Variants in TRPV3 observed in about 807,000 individuals in gnomAD.
The protein encoded by TRPV3 is transient receptor potential cation channel subfamily V member 3.
In TRPV3, 88 loss-of-function variants were observed where a neutral mutation model predicts 87.1. The observed-to-expected ratio is 1.01, with a 90% CI of 0.85 to 1.21. The LOEUF is 1.21. Ranked by LOEUF, TRPV3 falls within the 50% of genes most tolerant of loss-of-function variation. The pLI is 0.00. For missense variants in TRPV3, 1,054 were observed against 1,030.1 expected (o/e 1.02, Z -0.32); for synonymous variants, 438 against 423.3 (o/e 1.03, Z -0.43).
chr17:3,534,466 G>C (rs1462991185), intron 7 of TRPV3, among the ~76,000 whole-genome samples: 1 of 152,108 alleles, frequency 6.6e-6, no homozygotes, highest in Non-Finnish European at 1.5e-5. Flanking sequence ...GCAAGACTGG[G>C]TGGCAGGAGG....
rs772785322 is a variant in TRPV3 at position 3,522,820 on chromosome 17, CA to C, written c.1743+1377del. Among the ~76,000 whole-genome samples the C allele has an allele frequency of 4.0e-3, 261 of 64,688 alleles. 2 individuals carry two copies. The highest frequency in any genetic ancestry group is 4.2e-3 in the Non-Finnish European group (121 of 28,924). The allele number at this position is 64,688 out of a possible 152,430, so 42.4% of individuals were successfully genotyped here. ...CAACAGAGCGAGACTCAGTCACAAA[CA>C]AAAAAAAAAAAAAAAAGCAAAAATT... On this transcript the variant is annotated intron_variant, in intron 13 of 17. Coordinates refer to ENST00000576742, the MANE Select transcript of TRPV3 (RefSeq NM_145068.4).
At chr17:3,524,446 TA>T in intron 12 of TRPV3, 83 bp from the exon 13 acceptor site, 1 of 1,548,208 alleles carries the variant, frequency 6.5e-7, no homozygotes, top group Non-Finnish European at 8.8e-7. Context: ...AAACCTCCCT[TA>T]AACCCCCTGA....
Position 3,527,954 on chromosome 17 carries a change from G to A in TRPV3, c.1503+71C>T, listed in dbSNP as rs186431175. 1,552 of 1,185,870 alleles carry A rather than the reference G, an allele frequency of 1.3e-3. 16 individuals carry two copies. In the African/African-American group the frequency reaches 0.021, roughly 16 times the overall value. The allele number at this position is 1,185,870 out of a possible 1,614,324, so 73.5% of individuals were successfully genotyped here. ...AGAACCCCCCAGCAGTAATGGCAGA[G>A]CAGAGAGGGATGGAGGCTGTCACCT... On this transcript the variant is annotated intron_variant, in intron 11 of 17. Coordinates refer to ENST00000576742, the MANE Select transcript of TRPV3 (RefSeq NM_145068.4).
intron 7 of TRPV3, 24 bp from the exon 8 acceptor site, chr17:3,532,961 T>C: frequency 6.2e-7 from 1 of 1,610,354 alleles, no homozygotes; most frequent in Non-Finnish European, 8.5e-7. Flanking sequence ...GCACTGAAGC[T>C]TGGTTCTCTC....
At chr17:3,549,713 G>A (rs2074555423) in intron 2 of TRPV3, among the ~76,000 whole-genome samples, 2 of 151,614 alleles carry the variant, frequency 1.3e-5, no homozygotes, top group South Asian at 4.2e-4. Flanking sequence ...ATGGATGGAT[G>A]GATGGATGGA....
intron 2 of TRPV3, among the ~76,000 whole-genome samples, chr17:3,547,395 AG>A (rs1165091690): frequency 6.6e-6 from 1 of 152,158 alleles, no homozygotes; most frequent in East Asian, 1.9e-4. Flanking sequence ...TAGAGGCAGG[AG>A]GGTCACTTGA....
In TRPV3 at chr17:3,526,934, C is replaced by A. The variant is rs2074305361; in HGVS notation, c.1504-7G>T. The stretch of plus-strand genomic sequence containing the variant: ...GCAGGAAGATGGCAATGCCCTAAGG[C>A]CAGGAAGGAAAGAAACAGTGCACCC... On this transcript the variant is annotated splice_region_variant and splice_polypyrimidine_tract_variant and intron_variant, in intron 11 of 17. Transcript: ENST00000576742. 3 of 1,608,850 alleles carry A rather than the reference C, an allele frequency of 1.9e-6. No individual in the cohort carries two copies. The highest frequency in any genetic ancestry group is 1.3e-5 in the African/African-American group (1 of 74,858).
intron 2 of TRPV3, among the ~76,000 whole-genome samples, chr17:3,545,505 A>G (rs1429461552): frequency 6.6e-6 from 1 of 152,184 alleles, no homozygotes; most frequent in Non-Finnish European, 1.5e-5. Flanking sequence ...GAAACTAAAG[A>G]AAAGGACTGA....
intron 6 of TRPV3, among the ~76,000 whole-genome samples, chr17:3,540,343 T>A (rs186730494): frequency 0.014 from 2,187 of 151,912 alleles, 19 homozygotes; most frequent in Non-Finnish European, 0.023. Context: ...GGTGGTGGGG[T>A]TGGTTTCCAG....
chr17:3,522,688 A>ATG (rs1167858681), intron 13 of TRPV3, among the ~76,000 whole-genome samples: 3 of 151,662 alleles, frequency 2.0e-5, no homozygotes, highest in African/African-American at 7.3e-5. Context: ...GGCATGGTGC[A>ATG]TGCCTGTAGT....
chr17:3,514,331 G>A lies in TRPV3; in HGVS notation c.2278+262C>T, dbSNP rs1329067761. On this transcript the variant is annotated intron_variant, in intron 17 of 17. Coordinates refer to ENST00000576742, the MANE Select transcript of TRPV3 (RefSeq NM_145068.4). ...TGACCTCAGGTGATTCACCCGACTC[G>A]TCCTCCCAAAGTGCTGGGATTACAG... is the stretch of plus-strand genomic sequence containing the variant. 4 of 524,712 alleles carry A rather than the reference G, an allele frequency of 7.6e-6. 1 individual carries two copies. Among genetic ancestry groups the A allele is most frequent in the African/African-American group, 1.9e-5 (1 of 52,256 alleles). 32.5% of individuals were successfully genotyped at this position (524,712 alleles called of 1,614,324 possible).
At chr17:3,555,045 G>T (rs2074614149) in intron 1 of TRPV3, among the ~76,000 whole-genome samples, 193 bp from the exon 2 acceptor site, 1 of 152,142 alleles carries the variant, frequency 6.6e-6, no homozygotes, top group South Asian at 2.1e-4. Context: ...CCAGCTCCCT[G>T]CTCTAGCACC....
At chr17:3,514,204 G>C (rs942852103) in intron 17 of TRPV3, 193 bp from the exon 18 acceptor site, 76 of 519,156 alleles carry the variant, frequency 1.5e-4, no homozygotes, top group African/African-American at 1.4e-3. Flanking sequence ...TCAGCCTCTC[G>C]AGTAGCTGGG....
At chr17:3,527,939 A>C in intron 11 of TRPV3, 86 bp downstream of exon 11, 1 of 1,057,868 alleles carries the variant, frequency 9.5e-7, no homozygotes, top group Admixed American at 1.7e-5. Flanking sequence ...AGAACCCCCC[A>C]GCAGTAATGG....
At chr17:3,535,519 C>T (rs966817387) in intron 7 of TRPV3, 54 bp downstream of exon 7, 53 of 1,505,384 alleles carry the variant, frequency 3.5e-5, no homozygotes, top group Middle Eastern at 1.8e-4. Flanking sequence ...CCTTCCTCTC[C>T]CGTCTCCCTC....
rs766464297 is a variant in TRPV3 at position 3,518,745 on chromosome 17, A to G, written c.1916T>C (p.Leu639Pro). The change falls in exon 15 of 18, where the codon CTG (leucine) becomes CCG (proline). Residue 639 changes from leucine to proline, a missense_variant. Leu to Pro is a moderately conservative substitution (Grantham distance 98). Coordinates refer to ENST00000576742, the MANE Select transcript of TRPV3 (RefSeq NM_145068.4). This position sits in a 1 kb window ranked among gnomAD's most constrained non-coding sequence, Gnocchi z 4.3. ...GTTCTGCTGGATGTTCAGGTCACCC[A>G]GGCCTATGGTGAGCTTGAAGAGTTC... Reference protein sequence around the residue: ...VLELFKLTIGLGDLNIQQNSK... With the variant: ...VLELFKLTIGPGDLNIQQNSK... 1.2e-6 allele frequency: 2 copies of G among 1,613,978 alleles called. No homozygotes were observed. The highest frequency in any genetic ancestry group is 8.5e-7 in the Non-Finnish European group (1 of 1,179,910).
chr17:3,537,011 CT>C (rs1340247790), intron 6 of TRPV3, among the ~76,000 whole-genome samples: 2 of 152,180 alleles, frequency 1.3e-5, no homozygotes, highest in African/African-American at 4.8e-5. Flanking sequence ...TATAGCTAAC[CT>C]TTTGGTAGGG....
rs1382135580 is a variant in TRPV3 at position 3,556,984 on chromosome 17, G to C, written c.-3+692C>G. ...TGGTCCCCAAGGACTCTGTGGCCCT[G>C]AGAGCTGGTTGCTCTCTCTCTTCTC... On this transcript the variant is annotated intron_variant, in intron 1 of 17. Transcript: ENST00000576742. This position sits in a 1 kb window ranked among gnomAD's most constrained non-coding sequence, Gnocchi z 4.2. Among the ~76,000 whole-genome samples the C allele has an allele frequency of 2.0e-5, 3 of 152,154 alleles. No homozygotes were observed. The highest frequency in any genetic ancestry group is 7.2e-5 in the African/African-American group (3 of 41,440).
In TRPV3 at chr17:3,527,305, GC is replaced by G. The variant is rs1341131509; in HGVS notation, c.1504-379del. Among the ~76,000 whole-genome samples, 12 of 152,232 alleles carry G rather than the reference GC, an allele frequency of 7.9e-5. No homozygotes were observed. The East Asian group carries it at 2.3e-3, about 29-fold the overall frequency. On this transcript the variant is annotated intron_variant, in intron 11 of 17. Coordinates refer to ENST00000576742, the MANE Select transcript of TRPV3 (RefSeq NM_145068.4). ...ATGACCTTGTCCTCATCGTCCTCGT[GC>G]CCAATCCTACCCCACCAGAGTAAGT...
Sources: allele counts gnomAD v4.1 joint callset (sites outside exome capture counted in the v4.1 genomes callset), GRCh38; gene constraint gnomAD v4.1.1; non-coding constraint Gnocchi (gnomAD v3.1); transcripts MANE v1.5; gene names NCBI Gene and HGNC (gene_info 2026-07-23, HGNC 2026-07-21).